FGF14: variants seen among roughly 807,000 people sequenced by gnomAD.
FGF14 encodes fibroblast growth factor 14.
A neutral mutation model predicts 25.5 loss-of-function variants in FGF14; 5 were observed. That is an observed-to-expected ratio of 0.20 (90% confidence interval 0.10 to 0.41). FGF14 has a LOEUF of 0.41. Ranked by LOEUF, FGF14 falls within the 10% of genes least tolerant of loss-of-function variation. The probability of loss-of-function intolerance (pLI) is 1.00; values close to 1 mark genes in which losing one functional copy is unlikely to be tolerated. For missense variants in FGF14, 222 were observed against 320.1 expected, an observed-to-expected ratio of 0.69 and a Z score of 2.34; for synonymous variants, 138 against 118.3, an observed-to-expected ratio of 1.17 and a Z score of -1.08.
chr13:101,847,054 C>G (rs546726656), intron 3 of FGF14, among the ~76,000 whole-genome samples: 7 of 151,960 alleles, frequency 4.6e-5, no homozygotes, highest in Non-Finnish European at 1.0e-4. Flanking sequence ...AACATTCGAC[C>G]TATGATGTTC....
intron 1 of FGF14, among the ~76,000 whole-genome samples, chr13:101,958,140 AG>A (rs1413248763): frequency 6.6e-6 from 1 of 152,212 alleles, no homozygotes; most frequent in Non-Finnish European, 1.5e-5. Context: ...CTCAGCTTTC[AG>A]AGAACTTGAG....
rs2139658557 is a variant in FGF14, at chr13:101,722,926, T to C, written c.649A>G (p.Thr217Ala). ...REPSLHDVGE[T>A]VPKPGVTPSK... ...GGCGTCACCCCAGGCTTCGGGACCG[T>C]TTCCCCAACATCATGCAAAGATGGT... Residue 217 changes from threonine to alanine, a missense_variant, in exon 5 of 5, where the codon ACG (threonine) becomes GCG (alanine). Around this residue, in one of 5 missense-constraint regions of FGF14, gnomAD observed 66 missense variants for 90.3 expected, o/e 0.73. Coordinates refer to ENST00000376143, the MANE Select transcript of FGF14 (RefSeq NM_004115.4). The C allele has an allele frequency of 3.1e-6, 5 of 1,613,256 alleles. No homozygotes were observed. Among genetic ancestry groups the C allele is most frequent in the East Asian group, 2.2e-5 (1 of 44,854 alleles).
At chr13:102,016,351 C>G (rs971014326) in intron 1 of FGF14, among the ~76,000 whole-genome samples, 1 of 151,824 alleles carries the variant, frequency 6.6e-6, no homozygotes, top group Admixed American at 6.6e-5. Flanking sequence ...AAATATAATG[C>G]AAAATAAATA....
rs1295806126 is a variant in FGF14, at chr13:101,712,840, A to G, written c.*9991T>C. On this transcript the variant is annotated 3_prime_UTR_variant, in exon 5 of 5. Coordinates refer to ENST00000376143, the MANE Select transcript of FGF14 (RefSeq NM_004115.4). ...ATAAAGAAATCTCTAAAATCAGGAA[A>G]TTCCTCACCTTGATGAGACCACAAG... 6.6e-6 allele frequency: 1 copy of G among 152,172 alleles called. No individual in the cohort carries two copies. The highest frequency in any genetic ancestry group is 1.5e-5 in the Non-Finnish European group (1 of 68,032). The allele number at this position is 152,172 out of a possible 1,614,324, so 9.4% of individuals were successfully genotyped here.
At chr13:102,265,355 G>C (rs1233996763) in intron 1 of FGF14, among the ~76,000 whole-genome samples, 4 of 152,070 alleles carry the variant, frequency 2.6e-5, no homozygotes, top group African/African-American at 9.7e-5. Context: ...GTGAGGATAA[G>C]GGAAGTAATT....
Position 102,037,757 on chromosome 13 carries a change from G to A in FGF14, c.209-162461C>T, listed in dbSNP as rs898679954. On this transcript the variant is annotated intron_variant, in intron 1 of 4. Coordinates refer to the FGF14 transcript ENST00000376131. Reference sequence around the variant, plus strand: ...AAAGAAAATCAGTTGCACATTAACCGTTGCAGACCAGTATCCAAGTGGATT... The same window carrying A: ...AAAGAAAATCAGTTGCACATTAACCATTGCAGACCAGTATCCAAGTGGATT... Among the ~76,000 whole-genome samples the A allele has an allele frequency of 7.9e-5, 12 of 152,194 alleles. No individual in the cohort carries two copies. In the East Asian group the frequency reaches 1.2e-3, roughly 15 times the overall value.
At chr13:101,798,208 C>T (rs572480888) in intron 3 of FGF14, among the ~76,000 whole-genome samples, 61 of 152,228 alleles carry the variant, frequency 4.0e-4, no homozygotes, top group Non-Finnish European at 7.2e-4. Flanking sequence ...ACATGTCTCA[C>T]AGTTTTCCCT....
In FGF14 at chr13:101,722,454, T is replaced by TAAAC. The variant is rs1056051340; in HGVS notation, c.*373_*376dup. On this transcript the variant is annotated 3_prime_UTR_variant, in exon 5 of 5. Coordinates refer to ENST00000376143, the MANE Select transcript of FGF14 (RefSeq NM_004115.4). Reference sequence around the variant, plus strand: ...TATTTGTGTGCTACAAAATTGAACTTAAACACATAGATTTCGCTGAAACAG... The same window carrying TAAAC: ...TATTTGTGTGCTACAAAATTGAACTTAAACAAACACATAGATTTCGCTGAAACAG... 3 of 328,022 alleles carry TAAAC rather than the reference T, an allele frequency of 9.1e-6. No homozygotes were observed. Among genetic ancestry groups the TAAAC allele is most frequent in the African/African-American group, 6.4e-5 (3 of 46,654 alleles). 20.3% of individuals were successfully genotyped at this position (328,022 alleles called of 1,614,324 possible). A position where few individuals can be genotyped will look rare whatever the true frequency, so the allele number is the denominator to read the frequency against.
chr13:102,125,139 T>G (rs2140382021), intron 1 of FGF14, among the ~76,000 whole-genome samples: 1 of 152,324 alleles, frequency 6.6e-6, no homozygotes, highest in African/African-American at 2.4e-5. Context: ...CTCACAGATA[T>G]TATTGTTTAA....
chr13:102,213,549 C>T (rs988965908), intron 1 of FGF14, among the ~76,000 whole-genome samples: 4 of 152,030 alleles, frequency 2.6e-5, no homozygotes, highest in African/African-American at 9.7e-5. Context: ...TAAATCAAGG[C>T]CCAAAGGAGA....
chr13:102,263,894 C>A (rs1286000143), intron 1 of FGF14, among the ~76,000 whole-genome samples: 2 of 152,130 alleles, frequency 1.3e-5, no homozygotes, highest in Non-Finnish European at 2.9e-5. Flanking sequence ...CATTTAGGGG[C>A]AGAATCAATT....
At chr13:102,246,873 T>A (rs1172775330) in intron 1 of FGF14, among the ~76,000 whole-genome samples, 1 of 151,890 alleles carries the variant, frequency 6.6e-6, no homozygotes. Context: ...AACATCATGG[T>A]ACTAGTACAA....
chr13:101,960,706 C>T (rs1336816827), intron 1 of FGF14, among the ~76,000 whole-genome samples: 1 of 152,114 alleles, frequency 6.6e-6, no homozygotes, highest in East Asian at 1.9e-4. Flanking sequence ...GGGTGTATAT[C>T]CAGTAATGGG....
chr13:101,946,716 A>AG (rs1432297587), intron 1 of FGF14, among the ~76,000 whole-genome samples: 63 of 152,328 alleles, frequency 4.1e-4, no homozygotes, highest in African/African-American at 1.4e-3. Context: ...ACTTTTTAAG[A>AG]ATACAAACTC....
intron 1 of FGF14, among the ~76,000 whole-genome samples, chr13:102,307,530 C>T (rs578200971): frequency 6.6e-6 from 1 of 152,086 alleles, no homozygotes; most frequent in South Asian, 2.1e-4. Context: ...ATGTTGGTAC[C>T]ACTTATTTTT....
At chr13:101,889,302 A>C (rs2046149586) in intron 1 of FGF14, among the ~76,000 whole-genome samples, 1 of 152,158 alleles carries the variant, frequency 6.6e-6, no homozygotes, top group Non-Finnish European at 1.5e-5. Context: ...ACTTCAGAGG[A>C]CTATGTAGCT....
chr13:102,252,144 G>T (rs1231806759), intron 1 of FGF14, among the ~76,000 whole-genome samples: 1 of 152,162 alleles, frequency 6.6e-6, no homozygotes. Flanking sequence ...AATAGAAAAA[G>T]AAAATGAGCC....
In FGF14 at chr13:101,915,336, C is replaced by T. The variant is rs150563415; in HGVS notation, c.193+1117G>A. Among the ~76,000 whole-genome samples, 295 of 152,332 alleles carry T rather than the reference C, an allele frequency of 1.9e-3. 1 individual carries two copies. The highest frequency in any genetic ancestry group is 3.4e-3 in the Middle Eastern group (1 of 294). ...ATGTATAGCTTATGCTTCTATCCCCCGTCTTTGGAACAACAGGGCATTTAA... is the reference window on the plus strand; with the variant it reads ...ATGTATAGCTTATGCTTCTATCCCCTGTCTTTGGAACAACAGGGCATTTAA... On this transcript the variant is annotated intron_variant, in intron 1 of 4. Transcript: ENST00000376143.
At chr13:101,910,384 T>G (rs1316665150) in intron 1 of FGF14, among the ~76,000 whole-genome samples, 2 of 152,140 alleles carry the variant, frequency 1.3e-5, no homozygotes, top group African/African-American at 4.8e-5. Flanking sequence ...TGTGGTATGT[T>G]TCATTCACTC....
Sources: gnomAD v4.1 joint callset for allele counts (sites outside exome capture counted in the v4.1 genomes callset) on GRCh38, gnomAD v4.1.1 for gene constraint, gnomAD v4.1.1 regional missense constraint, MANE v1.5 for transcripts, NCBI Gene and HGNC (gene_info 2026-07-23, HGNC 2026-07-21) for gene names.